SGCZ: variants seen among roughly 807,000 people sequenced by gnomAD.
SGCZ encodes the protein sarcoglycan zeta, also known as zeta-sarcoglycan.
In SGCZ, 40 loss-of-function variants were observed where a neutral mutation model predicts 41.3. The ratio of observed to expected loss-of-function variants is 0.97; its 90% CI spans 0.75 to 1.26. The LOEUF is 1.26. Ranked by LOEUF, SGCZ falls within the 50% of genes most tolerant of loss-of-function variation. The pLI, the probability that SGCZ is intolerant of heterozygous loss-of-function variation, is 0.00. For missense variants in SGCZ, 552 were observed against 369.8 expected, an observed-to-expected ratio of 1.49 and a Z score of -4.04; for synonymous variants, 206 against 137.5, an observed-to-expected ratio of 1.50 and a Z score of -3.49.
intron 4 of SGCZ, 50 bp from the exon 5 acceptor site, chr8:14,164,752 T>C (rs752284711): frequency 3.8e-6 from 6 of 1,593,786 alleles, no homozygotes; most frequent in Non-Finnish European, 5.1e-6. Flanking sequence ...CAGGAAACCA[T>C]TAACATGTAT....
chr8:14,428,398 T>G (rs1445939562), intron 2 of SGCZ, among the ~76,000 whole-genome samples: 2 of 152,110 alleles, frequency 1.3e-5, no homozygotes, highest in African/African-American at 4.8e-5. Flanking sequence ...ACTTTATTAT[T>G]ACATTTTTTC....
intron 4 of SGCZ, among the ~76,000 whole-genome samples, chr8:14,208,202 T>G (rs550602529): frequency 6.6e-6 from 1 of 152,334 alleles, no homozygotes; most frequent in East Asian, 1.9e-4. Context: ...GTTGAAAGTT[T>G]TGGATGCTAA....
intron 5 of SGCZ, among the ~76,000 whole-genome samples, chr8:14,139,383 C>CA (rs113845347): frequency 0.041 from 6,255 of 151,996 alleles, 420 homozygotes; most frequent in African/African-American, 0.14. Context: ...AAAAACCCTT[C>CA]AAAAAATCAA....
intron 4 of SGCZ, among the ~76,000 whole-genome samples, chr8:14,213,670 G>A (rs185308244): frequency 1.0e-3 from 159 of 152,040 alleles, no homozygotes; most frequent in African/African-American, 3.5e-3. Context: ...TAGACCTCAT[G>A]AACCTTTTAA....
intron 1 of SGCZ, among the ~76,000 whole-genome samples, chr8:15,178,409 C>A (rs781746929): frequency 9.2e-5 from 14 of 152,216 alleles, no homozygotes; most frequent in Non-Finnish European, 1.8e-4. Context: ...TCAATTACCC[C>A]ATGTAGCGAA....
chr8:14,238,386 T>G (rs544499704), intron 3 of SGCZ, among the ~76,000 whole-genome samples: 1 of 152,328 alleles, frequency 6.6e-6, no homozygotes, highest in South Asian at 2.1e-4. Context: ...ATTGATACTA[T>G]AGTAACTTAT....
At chr8:15,136,239 A>G (rs1370818937) in intron 1 of SGCZ, among the ~76,000 whole-genome samples, 1 of 152,104 alleles carries the variant, frequency 6.6e-6, no homozygotes, top group East Asian at 1.9e-4. Context: ...TGTATGCACC[A>G]TGATTATTTA....
chr8:14,713,613 T>G (rs1343105445), intron 1 of SGCZ, among the ~76,000 whole-genome samples: 1 of 151,660 alleles, frequency 6.6e-6, no homozygotes, highest in African/African-American at 2.4e-5. Flanking sequence ...ATGATATACT[T>G]TGGAAAATAG....
intron 1 of SGCZ, among the ~76,000 whole-genome samples, chr8:14,602,119 G>GA (rs552154258): frequency 1.3e-5 from 2 of 151,590 alleles, no homozygotes; most frequent in South Asian, 2.1e-4. Flanking sequence ...GTCTCCGTCT[G>GA]AAAAAAATAA....
rs28733594 is a variant in SGCZ at position 14,919,891 on chromosome 8, C to G, written c.39+317694G>C. On this transcript the variant is annotated intron_variant, in intron 1 of 7. Coordinates refer to ENST00000382080, the MANE Select transcript of SGCZ (RefSeq NM_139167.4). ...CAAGATCACGCCACTGCACTCCAGC[C>G]TGGGTAACAGAGTGAGACTCTGTTT... is the stretch of plus-strand genomic sequence containing the variant. 4.6e-3 allele frequency among the ~76,000 whole-genome samples: 700 copies of G among 152,290 alleles called. 10 individuals are homozygous for G. Among genetic ancestry groups the G allele is most frequent in the African/African-American group, 0.016 (664 of 41,556 alleles).
At chr8:14,586,029 A>T (rs1296240489) in intron 1 of SGCZ, among the ~76,000 whole-genome samples, 2 of 152,158 alleles carry the variant, frequency 1.3e-5, no homozygotes, top group Non-Finnish European at 2.9e-5. Flanking sequence ...AGATAATTTT[A>T]TTTAAAACAA....
At chr8:14,112,945 T>C (rs1802418145) in intron 5 of SGCZ, among the ~76,000 whole-genome samples, 1 of 152,110 alleles carries the variant, frequency 6.6e-6, no homozygotes, top group Admixed American at 6.6e-5. Context: ...TAATTGGCAT[T>C]TATTGTATTC....
intron 1 of SGCZ, among the ~76,000 whole-genome samples, chr8:14,667,763 G>A (rs1393757449): frequency 6.6e-6 from 1 of 151,992 alleles, no homozygotes. Context: ...AATAAAACAT[G>A]GTCTCCGTAA....
At chr8:15,097,325 C>T (rs911287881) in intron 1 of SGCZ, among the ~76,000 whole-genome samples, 2 of 152,048 alleles carry the variant, frequency 1.3e-5, no homozygotes, top group African/African-American at 2.4e-5. Context: ...GAGAATAGAA[C>T]CAAACTCTTT....
At chr8:14,606,789 T>C (rs1014721868) in intron 1 of SGCZ, among the ~76,000 whole-genome samples, 1 of 152,204 alleles carries the variant, frequency 6.6e-6, no homozygotes. Flanking sequence ...AGAAATGCTA[T>C]GATGTGGTTT....
intron 1 of SGCZ, among the ~76,000 whole-genome samples, chr8:14,708,822 T>TGTGTGTGTGTGTGTGC: frequency 6.6e-6 from 1 of 151,584 alleles, no homozygotes; most frequent in African/African-American, 2.4e-5. Context: ...AGTGTGTGTG[T>TGTGTGTGTGTGTGTGC]GTGTGTGTGT....
At chr8:14,415,454 A>C (rs1471338) in intron 2 of SGCZ, among the ~76,000 whole-genome samples, 1 of 151,772 alleles carries the variant, frequency 6.6e-6, no homozygotes, top group Admixed American at 6.6e-5. Flanking sequence ...TGCATATTTT[A>C]ATAAAAAGAC....
chr8:14,405,603 A>AG (rs1197374827), intron 2 of SGCZ, among the ~76,000 whole-genome samples: 1 of 145,266 alleles, frequency 6.9e-6, no homozygotes, highest in African/African-American at 2.8e-5. Context: ...CATTTCAAAA[A>AG]CAGATGAAGT....
chr8:15,080,612 GAC>G (rs1341970548), intron 1 of SGCZ, among the ~76,000 whole-genome samples: 1 of 151,944 alleles, frequency 6.6e-6, no homozygotes, highest in East Asian at 1.9e-4. Context: ...TTTATTTTGA[GAC>G]AGAGTCTTGC....
Sources: allele counts gnomAD v4.1 joint callset (sites outside exome capture counted in the v4.1 genomes callset), GRCh38; gene constraint gnomAD v4.1.1; transcripts MANE v1.5; gene names NCBI Gene and HGNC (gene_info 2026-07-23, HGNC 2026-07-21).